The following AP3B1 variants were observed in gnomAD, a reference collection of about 807,000 sequenced individuals.
AP3B1 encodes the protein AP-3 complex subunit beta-1.
AP3B1 carries 61 observed loss-of-function variants against 132.5 expected under a neutral mutation model. The ratio of observed to expected loss-of-function variants is 0.46; its 90% confidence interval spans 0.37 to 0.57. The LOEUF is 0.57. Ranked by LOEUF, AP3B1 falls within the 20% of genes least tolerant of loss-of-function variation. AP3B1 has a pLI of 0.00. For missense variants in AP3B1, 1,120 were observed against 1,289.4 expected, an observed-to-expected ratio of 0.87 and a Z score of 2.01; for synonymous variants, 388 against 438.3, an observed-to-expected ratio of 0.89 and a Z score of 1.43.
rs564859558 is a variant in AP3B1, at chr5:78,243,614, G to A, written c.205-2678C>T. Among the ~76,000 whole-genome samples, 7 of 152,312 alleles carry A rather than the reference G, an allele frequency of 4.6e-5. No individual in the cohort carries two copies. In the East Asian group the frequency reaches 1.4e-3, roughly 29 times the overall value. On this transcript the variant is annotated intron_variant, in intron 2 of 26. Transcript: ENST00000255194. The stretch of plus-strand genomic sequence containing the variant: ...GAAAAATAAAGTAGTATCGGGGGAT[G>A]AGAAGTGCTGAGGTGGAGGTGGGAG...
chr5:78,195,082 A>G (rs201552197), intron 7 of AP3B1, among the ~76,000 whole-genome samples: 1 of 151,626 alleles, frequency 6.6e-6, no homozygotes, highest in South Asian at 2.1e-4. Flanking sequence ...AAAAAAATTT[A>G]AAAAAATGGG....
At chr5:78,292,626 G>A (rs1749576544) in intron 1 of AP3B1, among the ~76,000 whole-genome samples, 1 of 150,170 alleles carries the variant, frequency 6.7e-6, no homozygotes, top group Admixed American at 6.6e-5. Flanking sequence ...ATAACCTGCA[G>A]GGTTGTTTAG....
chr5:78,201,189 G>A (rs1395880066), intron 7 of AP3B1, among the ~76,000 whole-genome samples: 1 of 152,182 alleles, frequency 6.6e-6, no homozygotes, highest in South Asian at 2.1e-4. Flanking sequence ...GTGGTATTTT[G>A]TCATGGCAAC....
At chr5:78,180,718 A>G (rs1031679547) in intron 8 of AP3B1, among the ~76,000 whole-genome samples, 1 of 151,786 alleles carries the variant, frequency 6.6e-6, no homozygotes. Flanking sequence ...TTGGTTAAAA[A>G]ATATATATAT....
chr5:78,213,968 C>G (rs951769575), intron 7 of AP3B1, among the ~76,000 whole-genome samples: 1 of 152,168 alleles, frequency 6.6e-6, no homozygotes, highest in East Asian at 1.9e-4. Context: ...GAAACAGTGG[C>G]AAAAGCCCAA....
In AP3B1 at chr5:78,278,629, G is replaced by T. The variant is rs1355129618; in HGVS notation, c.129-11034C>A. Among the ~76,000 whole-genome samples the T allele has an allele frequency of 3.8e-3, 295 of 76,790 alleles. 23 individuals are homozygous for T. The highest frequency in any genetic ancestry group is 0.01 in the African/African-American group (275 of 27,154). The allele number at this position is 76,790 out of a possible 152,430, so 50.4% of individuals were successfully genotyped here. ...AAAAAAAAAAAAAAAAAAAAAAGGG[G>T]GGGGGGGACTAATTAATTATGAGGA... On this transcript the variant is annotated intron_variant, in intron 1 of 26. Transcript: ENST00000255194.
At chr5:78,201,405 T>C (rs1317199357) in intron 7 of AP3B1, among the ~76,000 whole-genome samples, 1 of 152,206 alleles carries the variant, frequency 6.6e-6, no homozygotes, top group Non-Finnish European at 1.5e-5. Context: ...CCAGTATTTA[T>C]TAATATGAGA....
At chr5:78,199,316 T>C (rs1344775037) in intron 7 of AP3B1, among the ~76,000 whole-genome samples, 2 of 152,158 alleles carry the variant, frequency 1.3e-5, no homozygotes, top group South Asian at 2.1e-4. Context: ...TTTTCTGAAA[T>C]AAAATATGCT....
At chr5:78,143,459 TCAC>T (rs939823461) in intron 14 of AP3B1, among the ~76,000 whole-genome samples, 2 of 152,108 alleles carry the variant, frequency 1.3e-5, no homozygotes, top group Non-Finnish European at 1.5e-5. Context: ...TTAGAAAACT[TCAC>T]CACAAGAAAT....
At chr5:78,193,770 A>ATATATTTATTTTTTTTTTT in intron 7 of AP3B1, among the ~76,000 whole-genome samples, 1 of 67,218 alleles carries the variant, frequency 1.5e-5, no homozygotes, top group Non-Finnish European at 3.2e-5. Flanking sequence ...ATATATATAT[A>ATATATTTATTTTTTTTTTT]TTTTTTTTTT....
intron 1 of AP3B1, among the ~76,000 whole-genome samples, chr5:78,279,907 AATATAT>A (rs55881507): frequency 1.7e-5 from 2 of 114,376 alleles, no homozygotes; most frequent in Admixed American, 9.3e-5. Flanking sequence ...ATATGACTTA[AATATAT>A]ATATATATAT....
chr5:78,248,553 C>T (rs758535037), intron 2 of AP3B1, among the ~76,000 whole-genome samples: 111 of 147,574 alleles, frequency 7.5e-4, no homozygotes, highest in Non-Finnish European at 1.4e-3. Context: ...ACCATATAGA[C>T]TCTTTTATTT....
chr5:78,240,812 G>T, intron 3 of AP3B1, 50 bp downstream of exon 3: 1 of 1,257,854 alleles, frequency 8.0e-7, no homozygotes, highest in Non-Finnish European at 1.2e-6. Flanking sequence ...AAAAGTGTAC[G>T]GTCCCATGAA....
intron 15 of AP3B1, among the ~76,000 whole-genome samples, chr5:78,138,359 C>T (rs1405851617): frequency 1.3e-5 from 2 of 152,028 alleles, no homozygotes; most frequent in African/African-American, 4.8e-5. Flanking sequence ...ATAAGCTACT[C>T]AGGGGGCTGA....
At chr5:78,121,383 C>CA (rs997267768) in intron 17 of AP3B1, among the ~76,000 whole-genome samples, 322 of 152,034 alleles carry the variant, frequency 2.1e-3, no homozygotes, top group African/African-American at 7.1e-3. Flanking sequence ...AAAAACCCTT[C>CA]AAAAAAATCA....
Position 78,039,930 on chromosome 5 carries a change from T to C in AP3B1, c.2578-656A>G, listed in dbSNP as rs187397079. On this transcript the variant is annotated intron_variant, in intron 22 of 26. Transcript: ENST00000255194. ...TTTGTTAGTTTTTTTCCCTAGATCC[T>C]CTATATTTGGCCATCTTGCTAACTT... Among the ~76,000 whole-genome samples, 807 of 151,500 alleles carry C rather than the reference T, an allele frequency of 5.3e-3. 6 individuals are homozygous for C. The highest frequency in any genetic ancestry group is 0.019 in the African/African-American group (772 of 41,304).
rs562352192 is a variant in AP3B1 at position 78,226,960 on chromosome 5, T to C, written c.536+412A>G. On this transcript the variant is annotated intron_variant, in intron 5 of 26. Coordinates refer to ENST00000255194, the MANE Select transcript of AP3B1 (RefSeq NM_003664.5). ...ACGAAGGGAGCAGCAGGAACAAAGA[T>C]GGAAGAAAGGAAAACACATATAAGT... is the stretch of plus-strand genomic sequence containing the variant. 5.3e-5 allele frequency among the ~76,000 whole-genome samples: 8 copies of C among 151,980 alleles called. No individual in the cohort carries two copies. The South Asian group carries it at 1.5e-3, about 28-fold the overall frequency.
At chr5:78,074,593 T>C (rs1361781652) in intron 22 of AP3B1, among the ~76,000 whole-genome samples, 1 of 152,170 alleles carries the variant, frequency 6.6e-6, no homozygotes, top group Non-Finnish European at 1.5e-5. Context: ...GCTGGACTTG[T>C]CTCTTAGCCT....
At chr5:78,019,307 T>C (rs568174373) in intron 25 of AP3B1, among the ~76,000 whole-genome samples, 2 of 152,064 alleles carry the variant, frequency 1.3e-5, no homozygotes, top group African/African-American at 2.4e-5. Context: ...CACAAAAAAT[T>C]TGATCGAAAT....
Sources: gnomAD v4.1 joint callset for allele counts (sites outside exome capture counted in the v4.1 genomes callset) on GRCh38, gnomAD v4.1.1 for gene constraint, MANE v1.5 for transcripts, NCBI Gene and HGNC (gene_info 2026-07-23, HGNC 2026-07-21) for gene names.